Variants in CTNNA2 observed in about 807,000 individuals in gnomAD.
CTNNA2 encodes catenin alpha 2, also known as catenin alpha-2.
Under a neutral mutation model 101.0 loss-of-function variants are expected in CTNNA2, and 42 were observed. The observed-to-expected ratio is 0.42, with a 90% CI of 0.32 to 0.54. The LOEUF (loss-of-function observed/expected upper bound fraction) is 0.54. Among genes scored for constraint, CTNNA2 ranks in the 20% least tolerant of loss-of-function variants. The probability of loss-of-function intolerance (pLI) is 0.14; values close to 1 mark genes in which losing one functional copy is unlikely to be tolerated. For missense variants in CTNNA2, 871 were observed against 1,223.1 expected (o/e 0.71, Z 4.29); for synonymous variants, 450 against 456.4 (o/e 0.99, Z 0.18).
At chr2:80,055,983 C>T (rs1303375440) in intron 7 of CTNNA2, among the ~76,000 whole-genome samples, 1 of 152,168 alleles carries the variant, frequency 6.6e-6, no homozygotes, top group African/African-American at 2.4e-5. Flanking sequence ...TTGTGTTTAG[C>T]TGTGGATGGC....
In CTNNA2 at chr2:80,302,580, G is replaced by A. The variant is rs780995966; in HGVS notation, c.1057-90631G>A. 6.2e-7 allele frequency: 1 copy of A among 1,607,486 alleles called. No homozygotes were observed. Among genetic ancestry groups the A allele is most frequent in the Non-Finnish European group, 8.5e-7 (1 of 1,179,190 alleles). The stretch of plus-strand genomic sequence containing the variant: ...GCGTTCTCGGCGTGCTCGCCGCCTG[G>A]AAGAGCCACGGTGGCAGGCTCGAAT... On this transcript the variant is annotated intron_variant, in intron 7 of 18. Coordinates refer to ENST00000402739, the MANE Select transcript of CTNNA2 (RefSeq NM_001282597.3). The surrounding 1 kb of genome is among the most constrained non-coding windows in gnomAD (Gnocchi z 6.4).
At chr2:79,287,103 C>T (rs1466304994) in intron 2 of CTNNA2, among the ~76,000 whole-genome samples, 1 of 152,136 alleles carries the variant, frequency 6.6e-6, no homozygotes, top group Non-Finnish European at 1.5e-5. Context: ...GTTTTCAGCT[C>T]CATCAGCTCC....
chr2:80,420,037 A>G (rs1365744574), intron 9 of CTNNA2, among the ~76,000 whole-genome samples: 17 of 97,880 alleles, frequency 1.7e-4, no homozygotes, highest in South Asian at 1.6e-3. Context: ...AACTTGTGAA[A>G]AAAAAAAAAA....
At chr2:80,367,068 T>C (rs1217122627) in intron 7 of CTNNA2, among the ~76,000 whole-genome samples, 1 of 151,888 alleles carries the variant, frequency 6.6e-6, no homozygotes, top group Non-Finnish European at 1.5e-5. Flanking sequence ...GATACACATG[T>C]ATCTCAAAGA....
chr2:79,902,193 C>T (rs145961544), intron 6 of CTNNA2, among the ~76,000 whole-genome samples: 266 of 152,244 alleles, frequency 1.7e-3, no homozygotes, highest in African/African-American at 5.9e-3. Flanking sequence ...GATTCCCTCA[C>T]GATGATTAGC....
chr2:79,711,676 A>C (rs1685748455), intron 2 of CTNNA2, among the ~76,000 whole-genome samples: 1 of 152,158 alleles, frequency 6.6e-6, no homozygotes, highest in African/African-American at 2.4e-5. Flanking sequence ...GTAGATTATT[A>C]ATTAAGAACA....
chr2:79,409,116 C>G (rs1433510993), intron 4 of CTNNA2, among the ~76,000 whole-genome samples: 3 of 152,098 alleles, frequency 2.0e-5, no homozygotes, highest in East Asian at 1.9e-4. Context: ...AGTGTCTGTT[C>G]ATGTCCTTTG....
intron 7 of CTNNA2, among the ~76,000 whole-genome samples, chr2:79,983,444 G>A (rs559688293): frequency 2.4e-4 from 37 of 152,204 alleles, no homozygotes; most frequent in Non-Finnish European, 4.0e-4. Flanking sequence ...ATGCTGACTA[G>A]GATAGGGAGG....
chr2:80,272,440 T>C (rs1250506157), intron 7 of CTNNA2, among the ~76,000 whole-genome samples: 1 of 152,238 alleles, frequency 6.6e-6, no homozygotes, highest in Non-Finnish European at 1.5e-5. Context: ...TTTAAATCTT[T>C]CTATGTTTAT....
At chr2:79,687,722 G>T (rs993377656) in intron 2 of CTNNA2, 4 of 468,412 alleles carry the variant, frequency 8.5e-6, no homozygotes, top group African/African-American at 8.2e-5. Flanking sequence ...TGAATGTATT[G>T]TGACTTTTGG....
rs1468060437 is a variant in CTNNA2, at chr2:79,754,097, G to A, written c.298+9515G>A. ...TTGGCCAAGCTGGTCTCGAACTCCTGATCTTGTGATCTGCCCACCTAGGCC... is the reference window on the plus strand; with the variant it reads ...TTGGCCAAGCTGGTCTCGAACTCCTAATCTTGTGATCTGCCCACCTAGGCC... On this transcript the variant is annotated intron_variant, in intron 3 of 18. Transcript: ENST00000402739. 3.9e-5 allele frequency among the ~76,000 whole-genome samples: 6 copies of A among 151,986 alleles called. No homozygotes were observed. The East Asian group carries it at 1.2e-3, about 29-fold the overall frequency.
At chr2:79,683,824 G>T (rs1450506087) in intron 2 of CTNNA2, among the ~76,000 whole-genome samples, 1 of 152,204 alleles carries the variant, frequency 6.6e-6, no homozygotes, top group Non-Finnish European at 1.5e-5. Context: ...TCTATGGAGT[G>T]GTGGGAGAAC....
At chr2:79,808,506 T>G (rs935486007) in intron 3 of CTNNA2, among the ~76,000 whole-genome samples, 2 of 152,204 alleles carry the variant, frequency 1.3e-5, no homozygotes, top group Non-Finnish European at 2.9e-5. Context: ...TATCACCGAA[T>G]TCTTGCTTAT....
chr2:80,485,234 A>G (rs768393297), intron 9 of CTNNA2, among the ~76,000 whole-genome samples: 7 of 152,162 alleles, frequency 4.6e-5, no homozygotes, highest in Non-Finnish European at 1.0e-4. Context: ...TGATCAGAAT[A>G]TTTGTTTTTG....
chr2:80,213,728 G>A (rs141940824), intron 7 of CTNNA2, among the ~76,000 whole-genome samples: 24,686 of 152,120 alleles, frequency 0.16, 2,503 homozygotes, highest in South Asian at 0.33. Context: ...TGTCTATTAG[G>A]TCTGCTTGGT....
intron 8 of CTNNA2, among the ~76,000 whole-genome samples, chr2:80,406,752 G>A (rs1019472096): frequency 2.3e-4 from 34 of 148,930 alleles, no homozygotes; most frequent in Non-Finnish European, 4.1e-4. Context: ...GCGTGAACCC[G>A]GGAGGCGGAG....
chr2:80,482,698 C>T (rs940154216), intron 9 of CTNNA2, among the ~76,000 whole-genome samples: 4 of 152,184 alleles, frequency 2.6e-5, no homozygotes, highest in African/African-American at 4.8e-5. Context: ...CAGTGTCAAT[C>T]TCCATGATGT....
chr2:79,443,488 A>C (rs1573168611), intron 4 of CTNNA2, among the ~76,000 whole-genome samples: 1 of 152,122 alleles, frequency 6.6e-6, no homozygotes, highest in East Asian at 1.9e-4. Context: ...TACAGATTCA[A>C]ATCTAATCTT....
intron 9 of CTNNA2, among the ~76,000 whole-genome samples, chr2:80,436,747 T>C (rs1574037397): frequency 6.6e-6 from 1 of 152,236 alleles, no homozygotes; most frequent in Non-Finnish European, 1.5e-5. Flanking sequence ...CCTCATATGA[T>C]GGAAGAGGCA....
Sources: allele counts gnomAD v4.1 joint callset (sites outside exome capture counted in the v4.1 genomes callset), GRCh38; gene constraint gnomAD v4.1.1; non-coding constraint Gnocchi (gnomAD v3.1); transcripts MANE v1.5; gene names NCBI Gene and HGNC (gene_info 2026-07-23, HGNC 2026-07-21).